GNB2: variants seen among roughly 807,000 people sequenced by gnomAD.
GNB2 encodes the protein guanine nucleotide-binding protein G(I)/G(S)/G(T) subunit beta-2.
Under a neutral mutation model 40.7 loss-of-function variants are expected in GNB2, and 7 were observed. That is an observed-to-expected ratio of 0.17 (90% confidence interval 0.10 to 0.32). The LOEUF (loss-of-function observed/expected upper bound fraction) is 0.32. GNB2 is among the 10% of genes least tolerant of loss of function. The pLI is 1.00. For synonymous variants in GNB2, 254 were observed against 191.2 expected, an observed-to-expected ratio of 1.33 and a Z score of -2.71; for missense variants, 286 against 473.0, an observed-to-expected ratio of 0.60 and a Z score of 3.67.
chr7:100,677,427 CG>C lies in GNB2; in HGVS notation c.267+15del, dbSNP rs1562857998. The stretch of plus-strand genomic sequence containing the variant: ...ACACCACCAACAAGGTAGGGTGGCG[CG>C]GGCTGCGGGGTGGGGCAGGGCCACA... On this transcript the variant is annotated intron_variant, in intron 5 of 9. Coordinates refer to ENST00000303210, the MANE Select transcript of GNB2 (RefSeq NM_005273.4). The C allele has an allele frequency of 9.3e-6, 15 of 1,613,398 alleles. No individual in the cohort carries two copies. Among genetic ancestry groups the C allele is most frequent in the Non-Finnish European group, 1.0e-5 (12 of 1,179,678 alleles).
chr7:100,676,965 T>G, intron 4 of GNB2, 166 bp downstream of exon 4: 1 of 604,044 alleles, frequency 1.7e-6, no homozygotes, highest in Non-Finnish European at 2.9e-6. Flanking sequence ...AGGACCATGC[T>G]GGTGAGAACT....
intron 4 of GNB2, 103 bp from the exon 5 acceptor site, chr7:100,677,249 C>A: frequency 1.1e-6 from 1 of 871,626 alleles, no homozygotes; most frequent in South Asian, 1.5e-5. Context: ...TGCACTCCAG[C>A]CTGCACAACA....
intron 4 of GNB2, chr7:100,677,032 G>T: frequency 1.7e-6 from 1 of 593,640 alleles, no homozygotes; most frequent in Admixed American, 3.0e-5. Context: ...ATCCCAGCAC[G>T]TGGGGAGGCC....
intron 9 of GNB2, 23 bp downstream of exon 9, chr7:100,678,637 G>T: frequency 6.2e-7 from 1 of 1,608,010 alleles, no homozygotes; most frequent in African/African-American, 1.3e-5. Context: ...GCCCAGGCTG[G>T]GTGGGCAGGG....
In GNB2 at chr7:100,678,410, G is replaced by A; in HGVS notation, c.712G>A (p.Gly238Ser). The A allele has an allele frequency of 6.2e-7, 1 of 1,613,284 alleles. No individual in the cohort carries two copies. Among genetic ancestry groups the A allele is most frequent in the African/African-American group, 1.3e-5 (1 of 75,032 alleles). ...CCGTGTCCTGCAGTTCTTCCCCAAC[G>A]GCTACGCCTTCACCACCGGCTCTGA... ...DINAVAFFPN[G>S]YAFTTGSDDA... The change falls in exon 9 of 10, where the codon GGC (glycine) becomes AGC (serine). Residue 238 changes from glycine (G) to serine (S), a missense_variant. Physicochemically the swap from Gly to Ser is moderately conservative, Grantham distance 56 (BLOSUM62 0). Transcript: ENST00000303210.
Position 100,678,903 on chromosome 7 carries a change from G to A in GNB2, c.*102G>A, listed in dbSNP as rs1007493443. On this transcript the variant is annotated 3_prime_UTR_variant, in exon 10 of 10. Transcript: ENST00000303210. ...GCGCAATCCCAGCCCCCTTCCCCGG[G>A]CCACGGGGCCTTGGGTCCCTGCCCT... is the stretch of plus-strand genomic sequence containing the variant. The A allele has an allele frequency of 1.4e-4, 125 of 910,180 alleles. No individual in the cohort carries two copies. The highest frequency in any genetic ancestry group is 1.8e-4 in the Non-Finnish European group (105 of 590,906). 56.4% of individuals were successfully genotyped at this position (910,180 alleles called of 1,614,324 possible). A position where few individuals can be genotyped will look rare whatever the true frequency, so the allele number is the denominator to read the frequency against.
intron 7 of GNB2, 85 bp downstream of exon 7, chr7:100,677,903 A>G (rs1325339030): frequency 2.9e-5 from 36 of 1,246,616 alleles, no homozygotes; most frequent in Non-Finnish European, 4.1e-5. Context: ...AACATGCAGC[A>G]TGCACCGTAG....
chr7:100,674,641 C>T lies in GNB2; in HGVS notation c.-90+718C>T, dbSNP rs532905823. Among the ~76,000 whole-genome samples the T allele has an allele frequency of 4.0e-3, 605 of 152,348 alleles. 3 individuals carry two copies. Among genetic ancestry groups the T allele is most frequent in the Non-Finnish European group, 5.1e-3 (344 of 68,044 alleles). ...GATCCAGGGACCCTCCCGTCACTCT[C>T]CTGAGCCCCGCCAGACCTGCGGAGG... On this transcript the variant is annotated intron_variant, in intron 1 of 9. Transcript: ENST00000303210.
In GNB2 at chr7:100,678,568, C is replaced by T. The variant is rs757495640; in HGVS notation, c.870C>T (p.Asp290=). The change falls in exon 9 of 10, where the codon GAC becomes GAT. Residue 290 remains aspartate (D), a synonymous_variant. Transcript: ENST00000303210. ...GACGGCTGCTGCTCGCTGGCTACGA[C>T]GACTTCAACTGCAACATCTGGGATG... ...RSGRLLLAGY[D]DFNCNIWDAM... The T allele has an allele frequency of 3.1e-5, 50 of 1,613,724 alleles. No homozygotes were observed. Among genetic ancestry groups the T allele is most frequent in the East Asian group, 8.9e-5 (4 of 44,898 alleles).
chr7:100,678,871 G>C lies in GNB2; in HGVS notation c.*70G>C, dbSNP rs570344340. On this transcript the variant is annotated 3_prime_UTR_variant, in exon 10 of 10. Transcript: ENST00000303210. Reference sequence around the variant, plus strand: ...TGCCCACACTACAGGCCAGGGCTGCGGGGCTGGCGCAATCCCAGCCCCCTT... The same window carrying C: ...TGCCCACACTACAGGCCAGGGCTGCCGGGCTGGCGCAATCCCAGCCCCCTT... 2.9e-5 allele frequency: 35 copies of C among 1,216,914 alleles called. No homozygotes were observed. In the South Asian group the frequency reaches 4.2e-4, roughly 14 times the overall value. The allele number at this position is 1,216,914 out of a possible 1,614,324, so 75.4% of individuals were successfully genotyped here.
In GNB2 at chr7:100,678,898, C is replaced by T; in HGVS notation, c.*97C>T. Reference sequence around the variant, plus strand: ...GGCTGGCGCAATCCCAGCCCCCTTCCCCGGGCCACGGGGCCTTGGGTCCCT... The same window carrying T: ...GGCTGGCGCAATCCCAGCCCCCTTCTCCGGGCCACGGGGCCTTGGGTCCCT... On this transcript the variant is annotated 3_prime_UTR_variant, in exon 10 of 10. Coordinates refer to ENST00000303210, the MANE Select transcript of GNB2 (RefSeq NM_005273.4). 1.0e-6 allele frequency: 1 copy of T among 971,666 alleles called. No individual in the cohort carries two copies. Among genetic ancestry groups the T allele is most frequent in the Non-Finnish European group, 1.6e-6 (1 of 641,192 alleles). 60.2% of individuals were successfully genotyped at this position (971,666 alleles called of 1,614,324 possible).
At chr7:100,677,906 C>A in intron 7 of GNB2, 88 bp downstream of exon 7, 1 of 1,216,582 alleles carries the variant, frequency 8.2e-7, no homozygotes, top group Non-Finnish European at 1.2e-6. Flanking sequence ...ATGCAGCATG[C>A]ACCGTAGCCT....
At chr7:100,678,069 T>C (rs762496734) in intron 7 of GNB2, 29 bp from the exon 8 acceptor site, 37 of 1,565,224 alleles carry the variant, frequency 2.4e-5, no homozygotes, top group Admixed American at 1.2e-4. Flanking sequence ...CTGTCTCTTA[T>C]CTTTTCTTTC....
At chr7:100,676,475 C>A in intron 2 of GNB2, 60 bp from the exon 3 acceptor site, 1 of 1,447,094 alleles carries the variant, frequency 6.9e-7, no homozygotes, top group Non-Finnish European at 9.7e-7. Context: ...GTTCTCTTCT[C>A]TCCCTTTCCT....
intron 7 of GNB2, 43 bp from the exon 8 acceptor site, chr7:100,678,055 C>CGCCCT: frequency 6.7e-7 from 1 of 1,486,984 alleles, no homozygotes; most frequent in Non-Finnish European, 9.4e-7. Flanking sequence ...CTCTGTTCTT[C>CGCCCT]GCCCTGTCTC....
intron 2 of GNB2, 30 bp from the exon 3 acceptor site, chr7:100,676,505 G>C: frequency 8.8e-6 from 14 of 1,590,542 alleles, no homozygotes; most frequent in Non-Finnish European, 1.2e-5. Context: ...GTCTTCTCTC[G>C]CGTCTCTCTG....
rs1257804529 is a variant in GNB2, at chr7:100,678,400, C to T, written c.702C>T (p.Phe234=). Residue 234 remains phenylalanine (F), a splice_region_variant and synonymous_variant, in exon 9 of 10, where the codon TTC becomes TTT. Transcript: ENST00000303210. ...CATCTGGGTCCCGTGTCCTGCAGTT[C>T]TTCCCCAACGGCTACGCCTTCACCA... ...GHESDINAVA[F]FPNGYAFTTG... 1.3e-5 allele frequency: 21 copies of T among 1,612,826 alleles called. No individual in the cohort carries two copies. The Admixed American group carries it at 3.2e-4, about 24-fold the overall frequency.
Position 100,678,238 on chromosome 7 carries a change from T to C in GNB2, c.638T>C (p.Val213Ala). The change falls in exon 8 of 10, where the codon GTG (valine) becomes GCG (alanine). Residue 213 changes from valine to alanine, a missense_variant. Val to Ala is a moderately conservative substitution (Grantham distance 64, BLOSUM62 0). Transcript: ENST00000303210. Reference sequence around the variant, plus strand: ...GATGCCTCTATCAAGCTGTGGGACGTGCGGGATTCCATGTGCCGACAGACC... The same window carrying C: ...GATGCCTCTATCAAGCTGTGGGACGCGCGGGATTCCATGTGCCGACAGACC... ...ACDASIKLWD[V>A]RDSMCRQTFI... 2 of 1,614,052 alleles carry C rather than the reference T, an allele frequency of 1.2e-6. No individual in the cohort carries two copies. Among genetic ancestry groups the C allele is most frequent in the Non-Finnish European group, 8.5e-7 (1 of 1,179,970 alleles).
At position 100,678,682 on chromosome 7, in the gene GNB2, C is replaced by T. The variant is rs543333878; in HGVS notation, c.917-13C>T. 3 of 1,612,108 alleles carry T rather than the reference C, an allele frequency of 1.9e-6. No homozygotes were observed. The South Asian group carries it at 3.3e-5, about 18-fold the overall frequency. On this transcript the variant is annotated splice_polypyrimidine_tract_variant and intron_variant, in intron 9 of 9. Transcript: ENST00000303210. Reference sequence around the variant, plus strand: ...CCAGGCCCAATGGGTTCTGACTTCTCTCTTCTTCACAGGAGTCCTCGCTGG... The same window carrying T: ...CCAGGCCCAATGGGTTCTGACTTCTTTCTTCTTCACAGGAGTCCTCGCTGG...
Sources: gnomAD v4.1 joint callset for allele counts (sites outside exome capture counted in the v4.1 genomes callset) on GRCh38, gnomAD v4.1.1 for gene constraint, MANE v1.5 for transcripts, NCBI Gene and HGNC (gene_info 2026-07-23, HGNC 2026-07-21) for gene names.